The following SF3A1 variants were observed in gnomAD, a reference collection of about 807,000 sequenced individuals.
The protein encoded by SF3A1 is SAP 114.
Under a neutral mutation model 89.9 loss-of-function variants are expected in SF3A1, and 13 were observed. The ratio of observed to expected loss-of-function variants is 0.14; its 90% confidence interval spans 0.09 to 0.23. The LOEUF (loss-of-function observed/expected upper bound fraction) is 0.23. SF3A1 is among the 10% of genes least tolerant of loss of function. The pLI is 1.00. For missense variants in SF3A1, 604 were observed against 1,022.1 expected (o/e 0.59, Z 5.58); for synonymous variants, 405 against 374.4 (o/e 1.08, Z -0.94).
intron 2 of SF3A1, among the ~76,000 whole-genome samples, chr22:30,351,869 T>C (rs970106851): frequency 6.6e-6 from 1 of 152,222 alleles, no homozygotes; most frequent in African/African-American, 2.4e-5. Flanking sequence ...AAAACATCTG[T>C]AGGCTGGACA....
At chr22:30,353,767 T>TA (rs1350729728) in intron 1 of SF3A1, among the ~76,000 whole-genome samples, 3 of 152,146 alleles carry the variant, frequency 2.0e-5, no homozygotes, top group Non-Finnish European at 4.4e-5. Flanking sequence ...CCCGGATGAA[T>TA]AAAAAACCTC....
chr22:30,344,286 G>A (rs1243807616), intron 4 of SF3A1, among the ~76,000 whole-genome samples: 4 of 152,184 alleles, frequency 2.6e-5, no homozygotes, highest in East Asian at 1.9e-4. Flanking sequence ...ATAGGCTACC[G>A]GAGATTAAAT....
chr22:30,332,950 C>A lies in SF3A1; in HGVS notation c.*1644G>T, dbSNP rs1930959886. 1 of 152,250 alleles carries A rather than the reference C, an allele frequency of 6.6e-6. No homozygotes were observed. Among genetic ancestry groups the A allele is most frequent in the Admixed American group, 6.5e-5 (1 of 15,280 alleles). The allele number at this position is 152,250 out of a possible 1,614,324, so 9.4% of individuals were successfully genotyped here. A position where few individuals can be genotyped will look rare whatever the true frequency, so the allele number is the denominator to read the frequency against. On this transcript the variant is annotated 3_prime_UTR_variant, in exon 16 of 16. Transcript: ENST00000215793. ...AGAAAGAAGAACTTGGAATATGAGA[C>A]TCCCCAGGTCTCCTGACCCTCTTCC...
At chr22:30,356,307 CA>C (rs1390547013) in intron 1 of SF3A1, among the ~76,000 whole-genome samples, 1 of 152,172 alleles carries the variant, frequency 6.6e-6, no homozygotes, top group Non-Finnish European at 1.5e-5. Flanking sequence ...AATTAACATC[CA>C]AAGATGTACC....
intron 4 of SF3A1, among the ~76,000 whole-genome samples, chr22:30,343,837 T>C (rs1451091255): frequency 1.3e-5 from 2 of 152,248 alleles, no homozygotes; most frequent in Admixed American, 1.3e-4. Flanking sequence ...TTGGTCATTT[T>C]CTAAACACAC....
intron 1 of SF3A1, among the ~76,000 whole-genome samples, chr22:30,356,269 T>C (rs1419323578): frequency 1.3e-5 from 2 of 152,128 alleles, no homozygotes; most frequent in Non-Finnish European, 1.5e-5. Flanking sequence ...GTGTCTGGCT[T>C]GGGGCAGACA....
chr22:30,332,124 T>C lies in SF3A1; in HGVS notation c.*2470A>G, dbSNP rs1424562439. 6.6e-6 allele frequency: 1 copy of C among 152,232 alleles called. No individual in the cohort carries two copies. Among genetic ancestry groups the C allele is most frequent in the Non-Finnish European group, 1.5e-5 (1 of 68,036 alleles). The allele number at this position is 152,232 out of a possible 1,614,324, so 9.4% of individuals were successfully genotyped here. ...GGGATAAATGAAATATGATTGCTAA[T>C]AGTACATGTATTTCCATTCAAGTAT... On this transcript the variant is annotated 3_prime_UTR_variant, in exon 16 of 16. Transcript: ENST00000215793.
intron 9 of SF3A1, 65 bp from the exon 10 acceptor site, chr22:30,339,316 G>A (rs1291954457): frequency 1.3e-6 from 2 of 1,596,902 alleles, no homozygotes; most frequent in African/African-American, 2.7e-5. Context: ...CCTGACAAGA[G>A]AGCAGCTTTT....
intron 12 of SF3A1, 80 bp from the exon 13 acceptor site, chr22:30,337,260 AGGTTG>A: frequency 1.5e-6 from 2 of 1,322,588 alleles, no homozygotes; most frequent in Non-Finnish European, 2.1e-6. Flanking sequence ...TTGAGAGGGA[AGGTTG>A]CAAAGGTTTC....
chr22:30,351,821 C>T (rs73406430), intron 2 of SF3A1, among the ~76,000 whole-genome samples: 1,942 of 152,282 alleles, frequency 0.013, 41 homozygotes, highest in African/African-American at 0.044. Flanking sequence ...ATAGTAGCAA[C>T]AAATTTGAGT....
At chr22:30,335,810 T>C (rs148365646) in intron 13 of SF3A1, 57 bp from the exon 14 acceptor site, 8 of 1,380,204 alleles carry the variant, frequency 5.8e-6, no homozygotes, top group Non-Finnish European at 8.3e-6. Flanking sequence ...TCAAGAACTA[T>C]GCTCTGCTAT....
At chr22:30,342,126 G>C in intron 6 of SF3A1, 74 bp downstream of exon 6, 2 of 1,544,010 alleles carry the variant, frequency 1.3e-6, no homozygotes, top group South Asian at 1.1e-5. Context: ...TGCTCTCTGG[G>C]AACACCTGCA....
intron 2 of SF3A1, among the ~76,000 whole-genome samples, chr22:30,350,774 C>T (rs765537481): frequency 2.6e-5 from 4 of 152,194 alleles, no homozygotes; most frequent in African/African-American, 9.7e-5. Flanking sequence ...CACCCAACTC[C>T]CCTTTTCTGT....
intron 1 of SF3A1, among the ~76,000 whole-genome samples, chr22:30,355,820 C>CCA (rs1361500662): frequency 9.1e-6 from 1 of 109,364 alleles, no homozygotes; most frequent in Non-Finnish European, 1.8e-5. Context: ...CATGTTCCCC[C>CCA]CCCCCGCCCC....
At chr22:30,352,850 C>G (rs1303766072) in intron 2 of SF3A1, 101 bp downstream of exon 2, 1 of 1,449,976 alleles carries the variant, frequency 6.9e-7, no homozygotes, top group African/African-American at 1.4e-5. Context: ...AACTAAAAGG[C>G]CCAAGCCAAC....
chr22:30,336,969 A>G, intron 13 of SF3A1, 57 bp downstream of exon 13: 4 of 1,594,410 alleles, frequency 2.5e-6, no homozygotes, highest in Non-Finnish European at 3.4e-6. Context: ...AGTGTACGAC[A>G]GGGGCGGGAC....
At chr22:30,340,087 T>G in intron 9 of SF3A1, 109 bp downstream of exon 9, 1 of 971,418 alleles carries the variant, frequency 1.0e-6, no homozygotes, top group Non-Finnish European at 1.4e-6. Flanking sequence ...AGAGTGCAAC[T>G]CTCCTCAAAA....
chr22:30,339,339 G>T, intron 9 of SF3A1, 88 bp from the exon 10 acceptor site: 1 of 1,537,388 alleles, frequency 6.5e-7, no homozygotes, highest in Non-Finnish European at 8.9e-7. Context: ...GGTGTGCAGG[G>T]AGGAGGCTGG....
Position 30,332,725 on chromosome 22 carries a change from G to A in SF3A1, c.*1869C>T. On this transcript the variant is annotated 3_prime_UTR_variant, in exon 16 of 16. Transcript: ENST00000215793. ...CAATGGAGCTTCTGCATCTGAGCGAGCCAGTACAGATATTCATTCAGGAGC... is the reference window on the plus strand; with the variant it reads ...CAATGGAGCTTCTGCATCTGAGCGAACCAGTACAGATATTCATTCAGGAGC... 6.6e-6 allele frequency: 1 copy of A among 152,226 alleles called. No individual in the cohort carries two copies. The highest frequency in any genetic ancestry group is 1.5e-5 in the Non-Finnish European group (1 of 68,062). The allele number at this position is 152,226 out of a possible 1,614,324, so 9.4% of individuals were successfully genotyped here.
Sources: allele counts gnomAD v4.1 joint callset (sites outside exome capture counted in the v4.1 genomes callset), GRCh38; gene constraint gnomAD v4.1.1; transcripts MANE v1.5; gene names NCBI Gene and HGNC (gene_info 2026-07-23, HGNC 2026-07-21).